Variants in NRG3 observed in about 807,000 individuals in gnomAD.
The protein encoded by NRG3 is pro-neuregulin-3, membrane-bound isoform.
NRG3 carries 31 observed loss-of-function variants against 66.9 expected under a neutral mutation model. That is an observed-to-expected ratio of 0.46 (90% CI 0.35 to 0.63). The LOEUF (loss-of-function observed/expected upper bound fraction) is 0.63. NRG3 is among the 20% of genes least tolerant of loss of function. The probability of loss-of-function intolerance (pLI) is 0.00; values close to 1 mark genes in which losing one functional copy is unlikely to be tolerated. For missense variants in NRG3, 910 were observed against 878.9 expected (o/e 1.04, Z -0.45); for synonymous variants, 393 against 359.4 (o/e 1.09, Z -1.06).
At chr10:82,380,719 T>C (rs1410078308) in intron 2 of NRG3, among the ~76,000 whole-genome samples, 1 of 152,162 alleles carries the variant, frequency 6.6e-6, no homozygotes, top group East Asian at 1.9e-4. Context: ...GAAGTGTACA[T>C]TGGTATAACA....
In NRG3 at chr10:82,029,118, A is replaced by T. The variant is rs540034477; in HGVS notation, c.823+152955A>T. Among the ~76,000 whole-genome samples, 5 of 152,198 alleles carry T rather than the reference A, an allele frequency of 3.3e-5. No homozygotes were observed. In the South Asian group the frequency reaches 1.0e-3, roughly 32 times the overall value. ...CAGCTGCTCGGGAGGCTGAGGCAGG[A>T]GAATTGCTTTAACCTGGGAGGTGGA... On this transcript the variant is annotated intron_variant, in intron 1 of 8. Transcript: ENST00000372141.
intron 1 of NRG3, among the ~76,000 whole-genome samples, chr10:82,251,288 TC>T (rs1335322796): frequency 6.6e-6 from 1 of 152,054 alleles, no homozygotes; most frequent in Non-Finnish European, 1.5e-5. Context: ...AAGCTTCTCC[TC>T]CCCCTCTTCC....
intron 1 of NRG3, among the ~76,000 whole-genome samples, chr10:82,296,808 A>G (rs2134692622): frequency 6.6e-6 from 1 of 151,834 alleles, no homozygotes; most frequent in East Asian, 1.9e-4. Context: ...GGGGATATAT[A>G]CATATATTTG....
chr10:82,694,503 C>T (rs1178016437), intron 2 of NRG3, among the ~76,000 whole-genome samples: 1 of 151,996 alleles, frequency 6.6e-6, no homozygotes, highest in East Asian at 1.9e-4. Flanking sequence ...TCCTGTAATC[C>T]CAGCTCTTTG....
chr10:82,922,592 T>C (rs1310530829), intron 4 of NRG3, among the ~76,000 whole-genome samples: 2 of 152,252 alleles, frequency 1.3e-5, no homozygotes, highest in Non-Finnish European at 2.9e-5. Context: ...CTGTGGATGA[T>C]AGAGGACACT....
chr10:82,378,891 C>T (rs2085433993), intron 2 of NRG3, among the ~76,000 whole-genome samples: 1 of 152,064 alleles, frequency 6.6e-6, no homozygotes, highest in Non-Finnish European at 1.5e-5. Flanking sequence ...TTTTCTCTTG[C>T]TTCTCTCCTT....
chr10:82,492,719 G>A (rs1356229766), intron 2 of NRG3, among the ~76,000 whole-genome samples: 1 of 152,164 alleles, frequency 6.6e-6, no homozygotes, highest in Non-Finnish European at 1.5e-5. Flanking sequence ...GCAAACCTTG[G>A]TCTTTTGACT....
intron 1 of NRG3, among the ~76,000 whole-genome samples, chr10:82,125,689 A>G (rs1026782928): frequency 3.3e-5 from 5 of 151,944 alleles, no homozygotes; most frequent in Non-Finnish European, 7.4e-5. Context: ...TTGAACTCAT[A>G]TGAGGTATGT....
chr10:82,841,745 C>T (rs2063066393), intron 3 of NRG3, among the ~76,000 whole-genome samples: 1 of 152,180 alleles, frequency 6.6e-6, no homozygotes, highest in South Asian at 2.1e-4. Flanking sequence ...TCTGTCACAG[C>T]AACATCTGAA....
chr10:82,534,041 A>C (rs2132675124), intron 2 of NRG3, among the ~76,000 whole-genome samples: 1 of 152,332 alleles, frequency 6.6e-6, no homozygotes, highest in Admixed American at 6.5e-5. Context: ...CAAAAATAAT[A>C]AAATCTTAGG....
At chr10:82,595,484 G>A (rs1446320727) in intron 2 of NRG3, among the ~76,000 whole-genome samples, 1 of 152,120 alleles carries the variant, frequency 6.6e-6, no homozygotes, top group Non-Finnish European at 1.5e-5. Context: ...GCACAACATA[G>A]CATGTTAGAA....
At position 82,954,935 on chromosome 10, in the gene NRG3, T is replaced by A. The variant is rs1351613225; in HGVS notation, c.1157+3364T>A. Among the ~76,000 whole-genome samples, 4 of 151,798 alleles carry A rather than the reference T, an allele frequency of 2.6e-5. 1 individual carries two copies. The highest frequency in any genetic ancestry group is 9.7e-5 in the African/African-American group (4 of 41,120). On this transcript the variant is annotated intron_variant, in intron 5 of 8. Coordinates refer to ENST00000372141, the MANE Select transcript of NRG3 (RefSeq NM_001010848.4). ...CATAAAGGAAAGTAGTTTATATGCA[T>A]ATACATTTTTTACTTTAGCTTAGAA...
chr10:82,001,195 G>A (rs79502702), intron 1 of NRG3, among the ~76,000 whole-genome samples: 25,436 of 119,582 alleles, frequency 0.21, 2,743 homozygotes, highest in East Asian at 0.42. Flanking sequence ...AAGTGTAAGA[G>A]AAAAAAAAAA....
chr10:82,858,192 C>A (rs535645140), intron 3 of NRG3, among the ~76,000 whole-genome samples: 31 of 152,322 alleles, frequency 2.0e-4, no homozygotes, highest in Admixed American at 3.9e-4. Context: ...TCCTTTGACC[C>A]TTTTACTTTT....
chr10:81,981,428 G>C (rs2060327689), intron 1 of NRG3, among the ~76,000 whole-genome samples: 1 of 152,198 alleles, frequency 6.6e-6, no homozygotes, highest in Admixed American at 6.5e-5. Context: ...ATCCTGTTTG[G>C]CTTAATGCCC....
At chr10:82,013,202 A>G (rs779119767) in intron 1 of NRG3, among the ~76,000 whole-genome samples, 2 of 152,256 alleles carry the variant, frequency 1.3e-5, no homozygotes, top group African/African-American at 4.8e-5. Context: ...CACATCTTAC[A>G]TGGCAACAGG....
Position 82,139,533 on chromosome 10 carries a change from C to A in NRG3, c.824-219206C>A, listed in dbSNP as rs1191382405. 2.0e-5 allele frequency among the ~76,000 whole-genome samples: 3 copies of A among 152,198 alleles called. No individual in the cohort carries two copies. The East Asian group carries it at 5.8e-4, about 29-fold the overall frequency. ...ACTAGATACAAGTAGCCCGTTAAGT[C>A]CTCATTGTCCAATCTGAAAACTACA... On this transcript the variant is annotated intron_variant, in intron 1 of 8. Transcript: ENST00000372141.
intron 1 of NRG3, among the ~76,000 whole-genome samples, chr10:81,931,006 T>C (rs557836459): frequency 6.6e-6 from 1 of 152,312 alleles, no homozygotes; most frequent in East Asian, 1.9e-4. Flanking sequence ...CTGGTTAAAC[T>C]TCTATAGTCC....
chr10:82,451,577 A>G (rs530269178), intron 2 of NRG3, among the ~76,000 whole-genome samples: 1 of 152,178 alleles, frequency 6.6e-6, no homozygotes, highest in African/African-American at 2.4e-5. Context: ...CCTTACATTC[A>G]TCTCAACAAG....
Sources: gnomAD v4.1 joint callset for allele counts (sites outside exome capture counted in the v4.1 genomes callset) on GRCh38, gnomAD v4.1.1 for gene constraint, MANE v1.5 for transcripts, NCBI Gene and HGNC (gene_info 2026-07-23, HGNC 2026-07-21) for gene names.